Variants in EHMT1 observed in about 807,000 individuals in gnomAD.
EHMT1 encodes the protein histone-lysine N-methyltransferase EHMT1.
EHMT1 carries 15 observed loss-of-function variants against 147.2 expected under a neutral mutation model. The ratio of observed to expected loss-of-function variants is 0.10; its 90% CI spans 0.07 to 0.16. The LOEUF is 0.16. EHMT1 is among the 10% of genes least tolerant of loss of function. The pLI is 1.00. For synonymous variants in EHMT1, 795 were observed against 709.6 expected, an observed-to-expected ratio of 1.12 and a Z score of -1.91; for missense variants, 1,587 against 1,772.4, an observed-to-expected ratio of 0.90 and a Z score of 1.88.
intron 1 of EHMT1, among the ~76,000 whole-genome samples, chr9:137,630,978 G>C (rs1843589308): frequency 6.6e-6 from 1 of 152,146 alleles, no homozygotes; most frequent in African/African-American, 2.4e-5. Flanking sequence ...GCTGTGTGGA[G>C]AGCGGAAGTA....
chr9:137,782,099 A>G lies in EHMT1; in HGVS notation c.2276-192A>G, dbSNP rs973006387. Among the ~76,000 whole-genome samples the G allele has an allele frequency of 6.6e-6, 1 of 152,030 alleles. No individual in the cohort carries two copies. Among genetic ancestry groups the G allele is most frequent in the African/African-American group, 2.4e-5 (1 of 41,390 alleles). ...TCTGACAGAGGGACCTGCCTGTTCA[A>G]TTCCGCAGGAGACTAGCACACTCAA... is the stretch of plus-strand genomic sequence containing the variant. On this transcript the variant is annotated intron_variant, in intron 14 of 26. Coordinates refer to ENST00000460843, the MANE Select transcript of EHMT1 (RefSeq NM_024757.5). The surrounding 1 kb of genome is among the most constrained non-coding windows in gnomAD (Gnocchi z 5.7).
intron 6 of EHMT1, chr9:137,745,743 T>G (rs1185295797): frequency 2.5e-6 from 1 of 392,436 alleles, no homozygotes; most frequent in African/African-American, 2.1e-5. Context: ...TGTCACAGTT[T>G]TGCTGAGTAT....
rs1382111901 is a variant in EHMT1 at position 137,828,619 on chromosome 9, C to T, written c.3541-5730C>T. Among the ~76,000 whole-genome samples the T allele has an allele frequency of 1.3e-5, 2 of 152,158 alleles. No individual in the cohort carries two copies. Among genetic ancestry groups the T allele is most frequent in the African/African-American group, 2.4e-5 (1 of 41,422 alleles). On this transcript the variant is annotated intron_variant, in intron 25 of 26. Coordinates refer to ENST00000460843, the MANE Select transcript of EHMT1 (RefSeq NM_024757.5). This position sits in a 1 kb window ranked among gnomAD's most constrained non-coding sequence, Gnocchi z 5.3. ...AGGTACCACGTCTCCCGGGCAGCCA[C>T]AGATCCCACACTCACGGCCCAAGTG... is the stretch of plus-strand genomic sequence containing the variant.
At chr9:137,639,487 A>G (rs1478576803) in intron 1 of EHMT1, among the ~76,000 whole-genome samples, 1 of 152,024 alleles carries the variant, frequency 6.6e-6, no homozygotes, top group East Asian at 1.9e-4. Context: ...GTGTTTTGAG[A>G]CTATGTTATC....
chr9:137,655,220 T>C (rs1033708919), intron 1 of EHMT1, among the ~76,000 whole-genome samples: 2 of 151,970 alleles, frequency 1.3e-5, no homozygotes, highest in Non-Finnish European at 2.9e-5. Flanking sequence ...TCACCATTTT[T>C]CGGCCAGGCT....
chr9:137,645,118 C>G (rs561000999), intron 1 of EHMT1, among the ~76,000 whole-genome samples: 1 of 152,356 alleles, frequency 6.6e-6, no homozygotes, highest in African/African-American at 2.4e-5. Context: ...AATGATCCGC[C>G]TGCCTCGGCC....
intron 1 of EHMT1, among the ~76,000 whole-genome samples, chr9:137,635,991 G>A (rs963758320): frequency 5.3e-5 from 8 of 150,870 alleles, no homozygotes; most frequent in South Asian, 2.1e-4. Context: ...GTACGATCTC[G>A]GTTCACTGCA....
At chr9:137,770,234 C>T (rs1489061018) in intron 10 of EHMT1, among the ~76,000 whole-genome samples, 5 of 152,138 alleles carry the variant, frequency 3.3e-5, no homozygotes, top group Admixed American at 6.5e-5. Flanking sequence ...CTTCAATGCC[C>T]TCCTCTTTTT....
At chr9:137,799,430 C>T (rs186111414) in intron 17 of EHMT1, among the ~76,000 whole-genome samples, 11 of 152,320 alleles carry the variant, frequency 7.2e-5, no homozygotes, top group Admixed American at 3.3e-4. Flanking sequence ...GCCAGCGCCA[C>T]GGGGCAGGGT....
chr9:137,742,606 G>C (rs868413906), intron 4 of EHMT1, among the ~76,000 whole-genome samples: 15 of 152,184 alleles, frequency 9.9e-5, no homozygotes, highest in African/African-American at 2.6e-4. Flanking sequence ...GAACTGCTTT[G>C]TTCAGAATGG....
chr9:137,669,339 C>CTGCA (rs60154034), intron 1 of EHMT1, among the ~76,000 whole-genome samples: 2 of 10,778 alleles, frequency 1.9e-4, no homozygotes, highest in Non-Finnish European at 3.6e-4. Context: ...AGCACGTGGA[C>CTGCA]CCCACACCAC....
intron 15 of EHMT1, chr9:137,784,520 G>A (rs868249742): frequency 2.4e-5 from 18 of 738,610 alleles, no homozygotes; most frequent in Middle Eastern, 6.2e-4. Flanking sequence ...TCGTTCTTGC[G>A]TCTTTTGAAT....
intron 17 of EHMT1, among the ~76,000 whole-genome samples, 194 bp downstream of exon 17, chr9:137,799,108 G>C (rs563660085): frequency 1.4e-4 from 21 of 151,580 alleles, no homozygotes; most frequent in South Asian, 4.2e-4. Flanking sequence ...CCCACACACA[G>C]AGCCAGCTCG....
chr9:137,688,110 G>A (rs1942616466), intron 1 of EHMT1, among the ~76,000 whole-genome samples: 1 of 152,122 alleles, frequency 6.6e-6, no homozygotes. Flanking sequence ...TCCAACCTCT[G>A]CCTCCTGGGT....
intron 1 of EHMT1, among the ~76,000 whole-genome samples, chr9:137,701,290 T>C (rs78003795): frequency 2.2e-5 from 3 of 135,460 alleles, no homozygotes; most frequent in Non-Finnish European, 5.1e-5. Context: ...TTTTTTTCTC[T>C]TGTTTTTTTT....
At chr9:137,825,842 G>C (rs1955775601) in intron 25 of EHMT1, among the ~76,000 whole-genome samples, 1 of 152,058 alleles carries the variant, frequency 6.6e-6, no homozygotes, top group Admixed American at 6.6e-5. Flanking sequence ...ACACCGGCGG[G>C]GCTGCCCAGT....
intron 9 of EHMT1, among the ~76,000 whole-genome samples, chr9:137,759,187 T>G (rs974812016): frequency 1.3e-5 from 2 of 152,044 alleles, no homozygotes; most frequent in East Asian, 1.9e-4. Context: ...CTTAGCCTAG[T>G]CCGTCATGGA....
intron 4 of EHMT1, among the ~76,000 whole-genome samples, chr9:137,735,547 A>G (rs541060609): frequency 8.5e-5 from 13 of 152,330 alleles, no homozygotes; most frequent in African/African-American, 2.9e-4. Flanking sequence ...AATCCTCATC[A>G]ATAGTTGTTT....
At chr9:137,800,534 C>G in intron 17 of EHMT1, 1 of 327,368 alleles carries the variant, frequency 3.1e-6, no homozygotes, top group Non-Finnish European at 5.9e-6. Flanking sequence ...AGTTTCAGCT[C>G]CCGTGTGTGT....
Sources: allele counts gnomAD v4.1 joint callset (sites outside exome capture counted in the v4.1 genomes callset), GRCh38; gene constraint gnomAD v4.1.1; non-coding constraint Gnocchi (gnomAD v3.1); transcripts MANE v1.5; gene names NCBI Gene and HGNC (gene_info 2026-07-23, HGNC 2026-07-21).